Variants in COL18A1 observed in about 807,000 individuals in gnomAD.
The protein encoded by COL18A1 is collagen alpha-1(XVIII) chain.
COL18A1 carries 133 observed loss-of-function variants against 168.0 expected under a neutral mutation model. The ratio of observed to expected loss-of-function variants is 0.79; its 90% confidence interval spans 0.69 to 0.91. The LOEUF (loss-of-function observed/expected upper bound fraction) is 0.91. Among genes scored for constraint, COL18A1 ranks in the 40% least tolerant of loss-of-function variants. COL18A1 has a pLI of 0.00. For missense variants in COL18A1, 2,126 were observed against 1,925.4 expected (o/e 1.10, Z -1.95); for synonymous variants, 949 against 809.0 (o/e 1.17, Z -2.94).
At chr21:45,493,105 C>T (rs867137751) in intron 24 of COL18A1, 58 bp from the exon 25 acceptor site, 3 of 1,491,422 alleles carry the variant, frequency 2.0e-6, no homozygotes, top group African/African-American at 1.4e-5. Context: ...ATGGAGCAGC[C>T]GTCGGGGATG....
intron 8 of COL18A1, 143 bp downstream of exon 8, chr21:45,478,108 G>A (rs925973810): frequency 8.4e-5 from 63 of 747,040 alleles, no homozygotes; most frequent in African/African-American, 2.2e-4. Flanking sequence ...ACCGTTGCTC[G>A]GGGTTGGTGC....
chr21:45,423,518 G>T lies in COL18A1; in HGVS notation c.106+18045G>T, dbSNP rs2033691705. Among the ~76,000 whole-genome samples the T allele has an allele frequency of 6.7e-6, 1 of 150,352 alleles. No individual in the cohort carries two copies. The highest frequency in any genetic ancestry group is 1.5e-5 in the Non-Finnish European group (1 of 67,608). On this transcript the variant is annotated intron_variant, in intron 2 of 41. Coordinates refer to ENST00000651438, the MANE Select transcript of COL18A1 (RefSeq NM_001379500.1). This position sits in a 1 kb window ranked among gnomAD's most constrained non-coding sequence, Gnocchi z 4.0. The stretch of plus-strand genomic sequence containing the variant: ...CGCCCCCCGCCCCCCGGAGGGCCCG[G>T]CTCCAAGGGTCATATGAGTGGATCT...
At chr21:45,496,447 C>T (rs1253986329) in intron 29 of COL18A1, 53 bp from the exon 30 acceptor site, 1 of 827,766 alleles carries the variant, frequency 1.2e-6, no homozygotes, top group African/African-American at 1.7e-5. Flanking sequence ...CTGCTCCCAG[C>T]TGCTGCCTGA....
intron 22 of COL18A1, 39 bp from the exon 23 acceptor site, chr21:45,492,496 G>A (rs771009087): frequency 1.2e-5 from 19 of 1,613,000 alleles, no homozygotes; most frequent in East Asian, 8.9e-5. Context: ...TTTTAAACGC[G>A]GCTCTTTGTT....
rs2146083176 is a variant in COL18A1, at chr21:45,505,392, G to GC, written c.3053dup (p.Gly1019TrpfsTer68). ...TTCCCGGCCCTCCGGGCCCCCCTGG[G>GC]CCCCCTGGGCCCCCTGGAACCATGG... On this transcript the variant is annotated frameshift_variant, in exon 36 of 42. Transcript: ENST00000651438. LOFTEE classifies it high-confidence loss of function. 1.3e-6 allele frequency: 2 copies of GC among 1,576,642 alleles called. No individual in the cohort carries two copies. The highest frequency in any genetic ancestry group is 8.7e-7 in the Non-Finnish European group (1 of 1,153,282).
chr21:45,477,508 T>C (rs1435884086), intron 7 of COL18A1, 21 bp downstream of exon 7: 2 of 1,591,962 alleles, frequency 1.3e-6, no homozygotes, highest in East Asian at 4.6e-5. Flanking sequence ...CTCCCTGTGC[T>C]CCTGAACCAT....
At chr21:45,460,994 G>T (rs1370490132) in intron 2 of COL18A1, among the ~76,000 whole-genome samples, 1 of 152,116 alleles carries the variant, frequency 6.6e-6, no homozygotes. Context: ...CGTATATTTG[G>T]GTTTTTGTAT....
In COL18A1 at chr21:45,492,680, T is replaced by G. The variant is rs1429973356; in HGVS notation, c.2188-7T>G. 2 of 1,611,358 alleles carry G rather than the reference T, an allele frequency of 1.2e-6. No individual in the cohort carries two copies. ...GACCCCAGCTGACGCCGTCCCTCTT[T>G]CCCCAGGGCCGGCCGGGTTTCGCAG... On this transcript the variant is annotated splice_polypyrimidine_tract_variant and splice_region_variant and intron_variant, in intron 23 of 41. Coordinates refer to ENST00000651438, the MANE Select transcript of COL18A1 (RefSeq NM_001379500.1).
chr21:45,507,683 C>T (rs2037304520), intron 38 of COL18A1, 90 bp downstream of exon 38: 1 of 1,244,480 alleles, frequency 8.0e-7, no homozygotes, highest in South Asian at 1.3e-5. Context: ...ACACGTGGTC[C>T]TTTGGAGTCC....
chr21:45,489,354 C>T (rs1195760449), intron 18 of COL18A1, 132 bp from the exon 19 acceptor site: 3 of 774,860 alleles, frequency 3.9e-6, no homozygotes, highest in Non-Finnish European at 6.8e-6. Context: ...CCTGGGACCC[C>T]TCGGCTCTGG....
intron 30 of COL18A1, 62 bp from the exon 31 acceptor site, chr21:45,496,988 G>A: frequency 1.7e-6 from 2 of 1,161,914 alleles, no homozygotes; most frequent in Non-Finnish European, 2.6e-6. Flanking sequence ...GGACCCCTGA[G>A]TGGTGGTGGC....
At chr21:45,490,744 G>T (rs113813141) in intron 20 of COL18A1, 92 bp from the exon 21 acceptor site, 2 of 995,418 alleles carry the variant, frequency 2.0e-6, no homozygotes, top group East Asian at 7.1e-5. Flanking sequence ...GGGAAATAAA[G>T]AACCCCACAT....
chr21:45,428,353 A>T (rs942782092), intron 2 of COL18A1, among the ~76,000 whole-genome samples: 5 of 152,148 alleles, frequency 3.3e-5, no homozygotes, highest in Admixed American at 6.5e-5. Context: ...GTGGCCAAGG[A>T]TGGGGTCTCT....
intron 2 of COL18A1, among the ~76,000 whole-genome samples, chr21:45,430,460 G>T (rs2145781916): frequency 6.6e-6 from 1 of 152,240 alleles, no homozygotes; most frequent in South Asian, 2.1e-4. Context: ...CCTGCTGCTT[G>T]CTGGGGAGGG....
chr21:45,446,788 TA>T (rs141989279), intron 2 of COL18A1, among the ~76,000 whole-genome samples: 3 of 152,032 alleles, frequency 2.0e-5, no homozygotes, highest in South Asian at 2.1e-4. Flanking sequence ...CAGCAACATA[TA>T]AAAAAAATTC....
At chr21:45,504,151 C>T in intron 33 of COL18A1, 97 bp downstream of exon 33, 1 of 1,412,358 alleles carries the variant, frequency 7.1e-7, no homozygotes, top group South Asian at 1.2e-5. Context: ...CCCAAGCCCC[C>T]TTCCTGTTCA....
intron 2 of COL18A1, among the ~76,000 whole-genome samples, chr21:45,459,121 C>T (rs1466772605): frequency 6.6e-6 from 1 of 152,170 alleles, no homozygotes; most frequent in Admixed American, 6.5e-5. Context: ...CAGGGGTGGG[C>T]CTCAAGCTTT....
chr21:45,455,262 C>T (rs2034753957), intron 2 of COL18A1, among the ~76,000 whole-genome samples: 2 of 152,262 alleles, frequency 1.3e-5, no homozygotes, highest in Non-Finnish European at 1.5e-5. Flanking sequence ...ACACTGCACA[C>T]AGCACCCTCT....
At chr21:45,454,443 C>CACCCCTCCA (rs2034731040) in intron 2 of COL18A1, among the ~76,000 whole-genome samples, 1 of 152,002 alleles carries the variant, frequency 6.6e-6, no homozygotes, top group Non-Finnish European at 1.5e-5. Context: ...GGGGAGCTGG[C>CACCCCTCCA]GTGCAGAGCA....
Sources: gnomAD v4.1 joint callset for allele counts (sites outside exome capture counted in the v4.1 genomes callset) on GRCh38, gnomAD v4.1.1 for gene constraint, Gnocchi (gnomAD v3.1) non-coding constraint, MANE v1.5 for transcripts, NCBI Gene and HGNC (gene_info 2026-07-23, HGNC 2026-07-21) for gene names.